The following MCCC1 variants were observed in gnomAD, a reference collection of about 807,000 sequenced individuals.
MCCC1 encodes methylcrotonoyl-CoA carboxylase subunit alpha, mitochondrial.
MCCC1 carries 64 observed loss-of-function variants against 83.8 expected under a neutral mutation model. The ratio of observed to expected loss-of-function variants is 0.76; its 90% CI spans 0.62 to 0.94. The LOEUF is 0.94. Among genes scored for constraint, MCCC1 ranks in the 40% least tolerant of loss-of-function variants. The pLI, the probability that MCCC1 is intolerant of heterozygous loss-of-function variation, is 0.00. For missense variants in MCCC1, 807 were observed against 904.7 expected (o/e 0.89, Z 1.39); for synonymous variants, 322 against 315.4 (o/e 1.02, Z -0.22).
At chr3:183,110,816 T>C (rs895164040) in intron 1 of MCCC1, among the ~76,000 whole-genome samples, 1 of 152,208 alleles carries the variant, frequency 6.6e-6, no homozygotes, top group African/African-American at 2.4e-5. Context: ...AATTTTTGTG[T>C]ATGGAGAAAG....
chr3:183,105,786 G>A (rs927613326), intron 1 of MCCC1, among the ~76,000 whole-genome samples: 2 of 152,058 alleles, frequency 1.3e-5, no homozygotes, highest in Admixed American at 6.6e-5. Flanking sequence ...AACAAAAAGT[G>A]TCACAAAAGA....
chr3:183,050,520 T>A (rs1164348095), intron 9 of MCCC1, among the ~76,000 whole-genome samples: 1 of 151,600 alleles, frequency 6.6e-6, no homozygotes, highest in Non-Finnish European at 1.5e-5. Flanking sequence ...CTGGCTAAAG[T>A]GGTGAAACCC....
At chr3:183,105,349 T>TA (rs1250514137) in intron 1 of MCCC1, among the ~76,000 whole-genome samples, 1 of 150,868 alleles carries the variant, frequency 6.6e-6, no homozygotes, top group African/African-American at 2.4e-5. Flanking sequence ...TGTCTCAAAA[T>TA]AAAAAAAAGT....
At chr3:183,041,413 G>A (rs1714071412) in intron 11 of MCCC1, among the ~76,000 whole-genome samples, 154 bp downstream of exon 11, 1 of 152,050 alleles carries the variant, frequency 6.6e-6, no homozygotes, top group Non-Finnish European at 1.5e-5. Context: ...CAATTCCAGA[G>A]GCAAAAAGTA....
intron 15 of MCCC1, chr3:183,022,762 A>AG: frequency 1.9e-6 from 1 of 513,636 alleles, no homozygotes; most frequent in South Asian, 2.7e-5. Context: ...GATAATTAAA[A>AG]GGGAAAAAAA....
rs551988351 is a variant in MCCC1 at position 183,069,573 on chromosome 3, T to A, written c.761+1426A>T. 3.3e-5 allele frequency among the ~76,000 whole-genome samples: 5 copies of A among 151,408 alleles called. No individual in the cohort carries two copies. The East Asian group carries it at 7.8e-4, about 24-fold the overall frequency. On this transcript the variant is annotated intron_variant, in intron 7 of 18. Coordinates refer to ENST00000265594, the MANE Select transcript of MCCC1 (RefSeq NM_020166.5). ...CCTGAAACAAAAAACAATTTGGGGG[T>A]CTTCTCTAAGGAGAAGAATACAAAA...
At chr3:183,040,824 G>A (rs1340266704) in intron 11 of MCCC1, among the ~76,000 whole-genome samples, 1 of 152,156 alleles carries the variant, frequency 6.6e-6, no homozygotes, top group African/African-American at 2.4e-5. Flanking sequence ...TCCCATCACT[G>A]TATAACTTAT....
At chr3:183,062,159 T>A (rs539443206) in intron 7 of MCCC1, among the ~76,000 whole-genome samples, 1 of 152,098 alleles carries the variant, frequency 6.6e-6, no homozygotes, top group Admixed American at 6.5e-5. Context: ...CTTTATAAAT[T>A]ATCCAGTTGC....
chr3:183,114,677 C>T (rs1045829642), intron 1 of MCCC1, among the ~76,000 whole-genome samples: 8 of 152,210 alleles, frequency 5.3e-5, no homozygotes, highest in Admixed American at 2.0e-4. Context: ...TTCACAGGCT[C>T]TTCCTCCTAG....
chr3:183,093,486 C>T (rs1718513372), intron 2 of MCCC1, among the ~76,000 whole-genome samples: 1 of 152,158 alleles, frequency 6.6e-6, no homozygotes. Context: ...GGTTCTCTTG[C>T]AACACAAGTG....
intron 14 of MCCC1, among the ~76,000 whole-genome samples, chr3:183,031,644 C>T (rs1713083929): frequency 6.6e-6 from 1 of 151,394 alleles, no homozygotes; most frequent in African/African-American, 2.4e-5. Context: ...ACTACAGGCG[C>T]CCACCACCAT....
chr3:183,055,089 T>C (rs777871436), intron 8 of MCCC1, among the ~76,000 whole-genome samples: 13 of 152,094 alleles, frequency 8.5e-5, no homozygotes, highest in Non-Finnish European at 1.3e-4. Flanking sequence ...TATTTCTGTG[T>C]ACCAAATTCT....
Position 183,034,039 on chromosome 3 carries a change from G to A in MCCC1, c.1633C>T (p.Leu545=), listed in dbSNP as rs1713307224. ...SPFSSSSGRR[L]NISYTRNMTL... is the part of the protein sequence containing the mutation. The stretch of plus-strand genomic sequence containing the variant: ...ATGTTTCTGGTATACGAGATATTCA[G>A]TCTTCTTCCACTGCTAGACGAAAAT... The change falls in exon 14 of 19, where the codon CTG becomes TTG. Residue 545 remains leucine (L), a synonymous_variant. Transcript: ENST00000265594. 1.2e-6 allele frequency: 2 copies of A among 1,612,090 alleles called. No individual in the cohort carries two copies. Among genetic ancestry groups the A allele is most frequent in the African/African-American group, 2.7e-5 (2 of 74,818 alleles).
rs531388138 is a variant in MCCC1 at position 183,015,380 on chromosome 3, T to C, written c.*58A>G. ...AGACCCCCAGAAAAGCTGGAGGCAC[T>C]TCCTCTTTTTGGTGGAGAGAGAAGA... On this transcript the variant is annotated 3_prime_UTR_variant, in exon 19 of 19. Transcript: ENST00000265594. 2.5e-6 allele frequency: 4 copies of C among 1,603,910 alleles called. No individual in the cohort carries two copies. In the African/African-American group the frequency reaches 5.3e-5, roughly 21 times the overall value.
chr3:183,070,977 C>T, intron 7 of MCCC1, 22 bp downstream of exon 7: 1 of 1,610,086 alleles, frequency 6.2e-7, no homozygotes, highest in Non-Finnish European at 8.5e-7. Flanking sequence ...AACTCTGAGT[C>T]AGAAAAATAA....
At chr3:183,105,303 C>A (rs1346627669) in intron 1 of MCCC1, among the ~76,000 whole-genome samples, 1 of 152,084 alleles carries the variant, frequency 6.6e-6, no homozygotes, top group Admixed American at 6.5e-5. Context: ...GAGGTCACGC[C>A]ATTGCACCCC....
At position 183,064,551 on chromosome 3, in the gene MCCC1, C is replaced by T. The variant is rs1003883129; in HGVS notation, c.761+6448G>A. The stretch of plus-strand genomic sequence containing the variant: ...GCCTGCTCATGGCACGCCACCAGCA[C>T]GGGCCAGGCGCACAAGTGCAGCACC... On this transcript the variant is annotated intron_variant, in intron 7 of 18. Transcript: ENST00000265594. The surrounding 1 kb of genome is among the most constrained non-coding windows in gnomAD (Gnocchi z 4.5). 5.3e-5 allele frequency among the ~76,000 whole-genome samples: 8 copies of T among 152,276 alleles called. No homozygotes were observed. The highest frequency in any genetic ancestry group is 3.3e-4 in the Admixed American group (5 of 15,296).
At chr3:183,109,583 A>ATTC (rs1719462226) in intron 1 of MCCC1, among the ~76,000 whole-genome samples, 2 of 152,174 alleles carry the variant, frequency 1.3e-5, no homozygotes, top group East Asian at 3.9e-4. Context: ...AAAGGACATG[A>ATTC]TTTCTTTCTT....
chr3:183,028,757 T>C (rs1712809290), intron 14 of MCCC1, among the ~76,000 whole-genome samples: 1 of 152,226 alleles, frequency 6.6e-6, no homozygotes, highest in South Asian at 2.1e-4. Flanking sequence ...CACTGCATGC[T>C]GCAGAGAAAT....
Sources: gnomAD v4.1 joint callset for allele counts (sites outside exome capture counted in the v4.1 genomes callset) on GRCh38, gnomAD v4.1.1 for gene constraint, Gnocchi (gnomAD v3.1) non-coding constraint, MANE v1.5 for transcripts, NCBI Gene and HGNC (gene_info 2026-07-23, HGNC 2026-07-21) for gene names.